AFAP1: variants seen among roughly 807,000 people sequenced by gnomAD.
AFAP1 encodes the protein actin filament-associated protein 1.
Under a neutral mutation model 93.9 loss-of-function variants are expected in AFAP1, and 75 were observed. The observed-to-expected ratio is 0.80, with a 90% CI of 0.66 to 0.97. AFAP1 has a LOEUF of 0.97. Ranked by LOEUF, AFAP1 falls within the 50% of genes least tolerant of loss-of-function variation. The pLI, the probability that AFAP1 is intolerant of heterozygous loss-of-function variation, is 0.00. For synonymous variants in AFAP1, 517 were observed against 430.7 expected, an observed-to-expected ratio of 1.20 and a Z score of -2.48; for missense variants, 1,201 against 1,050.8, an observed-to-expected ratio of 1.14 and a Z score of -1.98.
At chr4:7,776,003 A>G (rs559511805) in intron 14 of AFAP1, 8 of 152,246 alleles carry the variant, frequency 5.3e-5, no homozygotes, top group African/African-American at 7.2e-5. Context: ...TGGCTTTTCA[A>G]TAACAGTAAT....
At chr4:7,810,709 G>C (rs916503820) in intron 8 of AFAP1, among the ~76,000 whole-genome samples, 1 of 152,214 alleles carries the variant, frequency 6.6e-6, no homozygotes, top group African/African-American at 2.4e-5. Context: ...GGCTTCCTTT[G>C]AAAGATGGAA....
At chr4:7,937,772 C>A (rs181258451) in intron 1 of AFAP1, among the ~76,000 whole-genome samples, 35 of 152,298 alleles carry the variant, frequency 2.3e-4, no homozygotes, top group Non-Finnish European at 4.6e-4. Context: ...CAGGCGTGAG[C>A]CACCGCGCCC....
At chr4:7,847,243 A>G (rs1713810951) in intron 4 of AFAP1, among the ~76,000 whole-genome samples, 1 of 152,136 alleles carries the variant, frequency 6.6e-6, no homozygotes, top group South Asian at 2.1e-4. Context: ...GCGATGACCC[A>G]ATCAAGAGAA....
At chr4:7,856,570 G>A (rs1435870425) in intron 3 of AFAP1, among the ~76,000 whole-genome samples, 6 of 152,154 alleles carry the variant, frequency 3.9e-5, no homozygotes, top group East Asian at 3.9e-4. Flanking sequence ...CTCAGAGACC[G>A]AAACTCTCTC....
At chr4:7,806,338 C>G (rs915602119) in intron 9 of AFAP1, among the ~76,000 whole-genome samples, 2 of 152,244 alleles carry the variant, frequency 1.3e-5, no homozygotes, top group African/African-American at 4.8e-5. Flanking sequence ...CGGCAAGCAC[C>G]TGCAGAGAGC....
chr4:7,878,595 C>T (rs1206972317), intron 1 of AFAP1, among the ~76,000 whole-genome samples: 4 of 152,206 alleles, frequency 2.6e-5, no homozygotes, highest in South Asian at 2.1e-4. Context: ...TAGAAAGTAC[C>T]GTGGTCTCTG....
intron 12 of AFAP1, among the ~76,000 whole-genome samples, chr4:7,784,746 C>T (rs535978262): frequency 2.6e-5 from 4 of 152,212 alleles, no homozygotes; most frequent in Admixed American, 6.5e-5. Flanking sequence ...CTTCCGACCC[C>T]GGCCACTAGA....
intron 4 of AFAP1, among the ~76,000 whole-genome samples, 170 bp downstream of exon 4, chr4:7,855,296 T>G (rs1208313448): frequency 1.3e-5 from 2 of 152,192 alleles, no homozygotes; most frequent in Non-Finnish European, 2.9e-5. Context: ...AGGCACTCGG[T>G]GTCCTTCTCA....
At chr4:7,911,576 T>G (rs185823585) in intron 1 of AFAP1, among the ~76,000 whole-genome samples, 20 of 152,384 alleles carry the variant, frequency 1.3e-4, no homozygotes, top group East Asian at 7.7e-4. Flanking sequence ...CAGCCTTGCG[T>G]GATCCCTTGA....
intron 1 of AFAP1, among the ~76,000 whole-genome samples, chr4:7,924,123 T>C (rs973597010): frequency 6.6e-6 from 1 of 152,222 alleles, no homozygotes; most frequent in East Asian, 1.9e-4. Context: ...CATTTAGTTG[T>C]CTTTCAATGA....
At chr4:7,780,536 G>C (rs1716651444) in intron 13 of AFAP1, among the ~76,000 whole-genome samples, 1 of 152,196 alleles carries the variant, frequency 6.6e-6, no homozygotes, top group Non-Finnish European at 1.5e-5. Flanking sequence ...TGATAAGCTG[G>C]GCACGGTGGC....
chr4:7,774,950 T>G (rs751430578), intron 14 of AFAP1, 47 bp from the exon 15 acceptor site: 1 of 1,588,900 alleles, frequency 6.3e-7, no homozygotes. Flanking sequence ...TTTACTAGCC[T>G]GGGAAATATG....
At chr4:7,834,128 C>CACACACACATACATAT (rs756961714) in intron 6 of AFAP1, among the ~76,000 whole-genome samples, 1 of 119,426 alleles carries the variant, frequency 8.4e-6, no homozygotes, top group African/African-American at 3.9e-5. Flanking sequence ...CACACACACA[C>CACACACACATACATAT]ATATATACAA....
At chr4:7,834,758 G>A (rs1184357621) in intron 6 of AFAP1, among the ~76,000 whole-genome samples, 1 of 152,248 alleles carries the variant, frequency 6.6e-6, no homozygotes, top group African/African-American at 2.4e-5. Context: ...GCATGCCAAA[G>A]AGGGGGTCCC....
Position 7,759,375 on chromosome 4 carries a change from C to T in AFAP1, c.*4390G>A, listed in dbSNP as rs995601867. On this transcript the variant is annotated 3_prime_UTR_variant, in exon 18 of 18. Coordinates refer to ENST00000420658, the MANE Select transcript of AFAP1 (RefSeq NM_001134647.2). ...ACGGGCGAAAGGATGCGTCTGACGC[C>T]CACCACTTCCTGGGTGCAGTTTCCC... The T allele has an allele frequency of 6.6e-6, 1 of 152,654 alleles. No homozygotes were observed. The highest frequency in any genetic ancestry group is 1.5e-5 in the Non-Finnish European group (1 of 68,056). The allele number at this position is 152,654 out of a possible 1,614,324, so 9.5% of individuals were successfully genotyped here.
intron 1 of AFAP1, among the ~76,000 whole-genome samples, chr4:7,934,295 C>A (rs1049433843): frequency 1.3e-5 from 2 of 152,198 alleles, no homozygotes; most frequent in African/African-American, 4.8e-5. Context: ...GGAGCCCAAC[C>A]CAGCACTCAC....
intron 4 of AFAP1, among the ~76,000 whole-genome samples, chr4:7,846,920 T>C (rs73795056): frequency 0.022 from 3,416 of 152,326 alleles, 144 homozygotes; most frequent in African/African-American, 0.077. Flanking sequence ...CATGAACCCG[T>C]GCCTTTGTAT....
At chr4:7,791,167 C>T (rs1230018938) in intron 11 of AFAP1, among the ~76,000 whole-genome samples, 1 of 152,220 alleles carries the variant, frequency 6.6e-6, no homozygotes, top group Non-Finnish European at 1.5e-5. Context: ...CATCTGAGCC[C>T]ATCTTCTTCA....
At chr4:7,854,452 C>A (rs895515385) in intron 4 of AFAP1, among the ~76,000 whole-genome samples, 1 of 152,158 alleles carries the variant, frequency 6.6e-6, no homozygotes, top group South Asian at 2.1e-4. Flanking sequence ...AGCATGCCAA[C>A]GGGGGAATCT....
Sources: allele counts gnomAD v4.1 joint callset (sites outside exome capture counted in the v4.1 genomes callset), GRCh38; gene constraint gnomAD v4.1.1; transcripts MANE v1.5; gene names NCBI Gene and HGNC (gene_info 2026-07-23, HGNC 2026-07-21).